Variants in CCDC149 observed in about 807,000 individuals in gnomAD.
The protein encoded by CCDC149 is coiled-coil domain-containing protein 149.
In CCDC149, 45 loss-of-function variants were observed where a neutral mutation model predicts 59.9. The ratio of observed to expected loss-of-function variants is 0.75; its 90% confidence interval spans 0.59 to 0.96. CCDC149 has a LOEUF of 0.96. Among genes scored for constraint, CCDC149 ranks in the 40% least tolerant of loss-of-function variants. CCDC149 has a pLI of 0.00. For synonymous variants in CCDC149, 245 were observed against 260.6 expected, an observed-to-expected ratio of 0.94 and a Z score of 0.58; for missense variants, 584 against 664.7, an observed-to-expected ratio of 0.88 and a Z score of 1.33.
At chr4:24,816,094 A>ATT (rs886164509) in intron 12 of CCDC149, among the ~76,000 whole-genome samples, 1 of 151,362 alleles carries the variant, frequency 6.6e-6, no homozygotes, top group African/African-American at 2.4e-5. Context: ...TTTTAATTTA[A>ATT]TTTTTTTTTC....
At chr4:24,973,093 A>G (rs934353780) in intron 1 of CCDC149, among the ~76,000 whole-genome samples, 10 of 152,178 alleles carry the variant, frequency 6.6e-5, no homozygotes, top group Admixed American at 3.9e-4. Flanking sequence ...CTTTTAATCA[A>G]TTGCCAATCA....
At chr4:24,861,208 A>G (rs931270040) in intron 3 of CCDC149, among the ~76,000 whole-genome samples, 1 of 152,054 alleles carries the variant, frequency 6.6e-6, no homozygotes, top group Non-Finnish European at 1.5e-5. Flanking sequence ...ATATAGAACT[A>G]GCCCAAATGC....
intron 1 of CCDC149, among the ~76,000 whole-genome samples, chr4:24,957,639 G>A (rs1723505355): frequency 6.6e-6 from 1 of 151,194 alleles, no homozygotes; most frequent in Admixed American, 6.6e-5. Flanking sequence ...CTGATCCATA[G>A]GCAAAATCCA....
chr4:24,886,760 G>T (rs1331426865), intron 1 of CCDC149, among the ~76,000 whole-genome samples: 1 of 151,906 alleles, frequency 6.6e-6, no homozygotes, highest in Non-Finnish European at 1.5e-5. Context: ...GAGTGCATAG[G>T]AGCTCCAGGA....
At chr4:24,946,133 G>A (rs543118623) in intron 1 of CCDC149, among the ~76,000 whole-genome samples, 1 of 152,194 alleles carries the variant, frequency 6.6e-6, no homozygotes, top group East Asian at 1.9e-4. Context: ...CTCTCTTCTG[G>A]GACTTTAGGT....
intron 8 of CCDC149, among the ~76,000 whole-genome samples, chr4:24,832,840 T>A (rs887801939): frequency 1.1e-4 from 17 of 152,248 alleles, no homozygotes; most frequent in African/African-American, 3.4e-4. Context: ...ATGACAATAC[T>A]ATCTATTAAA....
At chr4:24,969,197 A>C (rs1289585388) in intron 1 of CCDC149, among the ~76,000 whole-genome samples, 1 of 152,248 alleles carries the variant, frequency 6.6e-6, no homozygotes, top group East Asian at 1.9e-4. Context: ...AGTGTTACAC[A>C]AGTAACGATA....
chr4:24,964,232 A>G (rs1050438026), intron 1 of CCDC149, among the ~76,000 whole-genome samples: 3 of 151,502 alleles, frequency 2.0e-5, no homozygotes, highest in Admixed American at 2.0e-4. Context: ...GAAATTACAG[A>G]ATTAAAAAAT....
chr4:24,828,052 CT>C (rs1005603368), intron 9 of CCDC149: 1 of 152,046 alleles, frequency 6.6e-6, no homozygotes, highest in African/African-American at 2.4e-5. Context: ...ATTCTCAGCC[CT>C]CATTCCATTT....
intron 1 of CCDC149, among the ~76,000 whole-genome samples, chr4:24,894,672 AC>A (rs1052097742): frequency 6.6e-6 from 1 of 151,836 alleles, no homozygotes; most frequent in African/African-American, 2.4e-5. Context: ...TCCTGTAAAC[AC>A]CAGAGCAAAA....
intron 8 of CCDC149, among the ~76,000 whole-genome samples, chr4:24,832,727 A>G (rs1464448859): frequency 6.6e-6 from 1 of 152,256 alleles, no homozygotes; most frequent in African/African-American, 2.4e-5. Context: ...AGCTTAGCAT[A>G]TAGTAGGACT....
At chr4:24,877,475 T>C (rs1719535134) in intron 1 of CCDC149, among the ~76,000 whole-genome samples, 1 of 152,076 alleles carries the variant, frequency 6.6e-6, no homozygotes, top group Non-Finnish European at 1.5e-5. Context: ...TGAGCCACCA[T>C]GCCTGGCCCA....
At chr4:24,825,512 G>C (rs549898557) in intron 9 of CCDC149, among the ~76,000 whole-genome samples, 1 of 152,082 alleles carries the variant, frequency 6.6e-6, no homozygotes, top group Non-Finnish European at 1.5e-5. Context: ...GGGGGTTCAC[G>C]CCTGTAATCC....
chr4:24,950,790 G>T (rs1242956447), intron 1 of CCDC149, among the ~76,000 whole-genome samples: 1 of 152,174 alleles, frequency 6.6e-6, no homozygotes, highest in Non-Finnish European at 1.5e-5. Context: ...GTTTACTAAG[G>T]AAACAAACTT....
At chr4:24,923,624 A>C (rs981269350) in intron 1 of CCDC149, among the ~76,000 whole-genome samples, 1 of 152,200 alleles carries the variant, frequency 6.6e-6, no homozygotes, top group Non-Finnish European at 1.5e-5. Flanking sequence ...AACAGGTGAA[A>C]ACAAAAGAAC....
intron 1 of CCDC149, among the ~76,000 whole-genome samples, chr4:24,887,147 T>C (rs533959228): frequency 6.6e-6 from 1 of 151,954 alleles, no homozygotes; most frequent in African/African-American, 2.4e-5. Context: ...CTAAAGCAAA[T>C]CATAATTGCT....
rs767082965 is a variant in CCDC149, at chr4:24,876,638, C to T, written c.123G>A (p.Lys41=). Reference sequence around the variant, plus strand: ...TTTCCTGTTGACAGGTGTCCAGCTCCTTGGAGAGGATCAGCAGGGCTTCCT... The same window carrying T: ...TTTCCTGTTGACAGGTGTCCAGCTCTTTGGAGAGGATCAGCAGGGCTTCCT... Residue 41 remains lysine, a synonymous_variant, in exon 2 of 13, where the codon AAG becomes AAA. Transcript: ENST00000635206. 1 of 1,614,162 alleles carries T rather than the reference C, an allele frequency of 6.2e-7. No homozygotes were observed. Among genetic ancestry groups the T allele is most frequent in the South Asian group, 1.1e-5 (1 of 91,070 alleles).
intron 6 of CCDC149, 110 bp from the exon 7 acceptor site, chr4:24,836,618 C>T (rs777020189): frequency 8.5e-5 from 57 of 674,480 alleles, no homozygotes; most frequent in Non-Finnish European, 1.4e-4. Flanking sequence ...CTATCTTTTA[C>T]ACATAACACC....
chr4:24,971,586 G>A (rs994287795), intron 1 of CCDC149, among the ~76,000 whole-genome samples: 1 of 152,190 alleles, frequency 6.6e-6, no homozygotes, highest in Admixed American at 6.5e-5. Flanking sequence ...GCTCGCTCCT[G>A]CCCAGGGAGA....
Sources: gnomAD v4.1 joint callset for allele counts (sites outside exome capture counted in the v4.1 genomes callset) on GRCh38, gnomAD v4.1.1 for gene constraint, MANE v1.5 for transcripts, NCBI Gene and HGNC (gene_info 2026-07-23, HGNC 2026-07-21) for gene names.